Variants in SMC1A observed in about 807,000 individuals in gnomAD.
The protein encoded by SMC1A is structural maintenance of chromosomes protein 1A.
In SMC1A, 4 loss-of-function variants were observed where a neutral mutation model predicts 94.5. That is an observed-to-expected ratio of 0.04 (90% confidence interval 0.02 to 0.10). The LOEUF (loss-of-function observed/expected upper bound fraction) is 0.10. Ranked by LOEUF, SMC1A falls within the 10% of genes least tolerant of loss-of-function variation. The pLI is 1.00. For synonymous variants in SMC1A, 345 were observed against 347.7 expected, an observed-to-expected ratio of 0.99 and a Z score of 0.09; for missense variants, 304 against 989.0, an observed-to-expected ratio of 0.31 and a Z score of 9.29.
chrX:53,417,518 T>C (rs1602415653), intron 1 of SMC1A, among the ~76,000 whole-genome samples: 1 of 89,747 alleles, frequency 1.1e-5, no homozygotes, highest in Non-Finnish European at 2.1e-5. Context: ...GCCATTGCAC[T>C]CCAGCCTGGG....
At chrX:53,419,040 C>CAAAAA in intron 1 of SMC1A, among the ~76,000 whole-genome samples, 1 of 36,752 alleles carries the variant, frequency 2.7e-5, no homozygotes, top group Non-Finnish European at 4.4e-5. Context: ...GACTCTGTCT[C>CAAAAA]AAAAAAAAAA....
intron 1 of SMC1A, among the ~76,000 whole-genome samples, chrX:53,420,893 G>C (rs1214484456): frequency 8.9e-6 from 1 of 111,993 alleles, no homozygotes; most frequent in Non-Finnish European, 1.9e-5. Flanking sequence ...ACAAAAACAT[G>C]CACCATCAAT....
In SMC1A at chrX:53,413,374, A is replaced by C; in HGVS notation, c.473T>G (p.Ile158Ser). ...PKERTALFEE[I>S]SRSGELAQEY... Reference sequence around the variant, plus strand: ...CTGCGCCAGCTCCCCAGAACGACTAATCTCTTCAAATAGAGCTGTCCTCTC... The same window carrying C: ...CTGCGCCAGCTCCCCAGAACGACTACTCTCTTCAAATAGAGCTGTCCTCTC... Residue 158 changes from isoleucine to serine, a missense_variant, in exon 4 of 25, where the codon ATT becomes AGT. By Grantham distance (142) the Ile-to-Ser change is moderately radical. Transcript: ENST00000322213. 1 of 1,211,094 alleles carries C rather than the reference A, an allele frequency of 8.3e-7. No homozygotes were observed. Among genetic ancestry groups the C allele is most frequent in the Non-Finnish European group, 1.1e-6 (1 of 895,217 alleles).
chrX:53,384,286 C>G (rs1282376403), intron 19 of SMC1A, among the ~76,000 whole-genome samples: 2 of 99,915 alleles, frequency 2.0e-5, no homozygotes, highest in Non-Finnish European at 4.0e-5. Flanking sequence ...TTTTTGGAGA[C>G]AGAGTCTCGC....
rs914977400 is a variant in SMC1A, at chrX:53,413,337, C to T, written c.510G>A (p.Lys170=). The T allele has an allele frequency of 8.3e-7, 1 of 1,209,724 alleles. No homozygotes were observed. The highest frequency in any genetic ancestry group is 1.1e-6 in the Non-Finnish European group (1 of 895,044). Residue 170 remains lysine, a synonymous_variant, in exon 4 of 25, where the codon AAG becomes AAA. Coordinates refer to ENST00000322213, the MANE Select transcript of SMC1A (RefSeq NM_006306.4). The part of the protein sequence containing the change: ...RSGELAQEYD[K]RKKEMVKAEE... ...CAGCCTTCACCATTTCCTTCTTTCGCTTGTCATACTCCTGCGCCAGCTCCC... is the reference window on the plus strand; with the variant it reads ...CAGCCTTCACCATTTCCTTCTTTCGTTTGTCATACTCCTGCGCCAGCTCCC...
rs782383321 is a variant in SMC1A at position 53,380,807 on chromosome X, G to A, written c.3508-77C>T. The A allele has an allele frequency of 8.7e-5, 66 of 756,264 alleles. 1 individual carries two copies. Among genetic ancestry groups the A allele is most frequent in the Non-Finnish European group, 1.2e-4 (59 of 486,205 alleles). 62.3% of individuals were successfully genotyped at this position (756,264 alleles called of 1,213,427 possible). A position where few individuals can be genotyped will look rare whatever the true frequency, so the allele number is the denominator to read the frequency against. ...CAGTATTTTCCAGCCACAACCAGAA[G>A]GCAGAAGAGGTAGGGTAGGGAGAGG... is the stretch of plus-strand genomic sequence containing the variant. On this transcript the variant is annotated intron_variant, in intron 23 of 24. Transcript: ENST00000322213.
chrX:53,404,268 A>T (rs1195328260), intron 13 of SMC1A, among the ~76,000 whole-genome samples: 1 of 110,708 alleles, frequency 9.0e-6, no homozygotes, highest in Non-Finnish European at 1.9e-5. Flanking sequence ...CGGTCTGGGG[A>T]AGTAGTCAGT....
intron 16 of SMC1A, among the ~76,000 whole-genome samples, chrX:53,399,140 AGGCAGGAGAAT>A (rs1419397074): frequency 7.2e-5 from 8 of 111,143 alleles, no homozygotes; most frequent in Non-Finnish European, 1.5e-4. Context: ...TGGGAGGCTG[AGGCAGGAGAAT>A]GGCATGAACC....
intron 7 of SMC1A, among the ~76,000 whole-genome samples, chrX:53,410,528 G>A (rs1261689312): frequency 3.7e-5 from 4 of 109,121 alleles, no homozygotes; most frequent in African/African-American, 1.3e-4. Context: ...GGCTGGGTGC[G>A]TTGGCTCACA....
intron 16 of SMC1A, among the ~76,000 whole-genome samples, chrX:53,398,086 A>G (rs782523668): frequency 2.8e-5 from 3 of 108,184 alleles, no homozygotes; most frequent in South Asian, 4.1e-4. Context: ...CTCAGGAGGC[A>G]GAGGCAGGAG....
In SMC1A at chrX:53,394,891, G is replaced by GACTAATATCATCCATGGTGCCTTTTGA; in HGVS notation, c.2863-4_2863-3insTCAAAAGGCACCATGGATGATATTAGT. 8.9e-7 allele frequency: 1 copy of GACTAATATCATCCATGGTGCCTTTTGA among 1,118,140 alleles called. No homozygotes were observed. The highest frequency in any genetic ancestry group is 1.2e-6 in the Non-Finnish European group (1 of 810,150). 92.1% of individuals were successfully genotyped at this position (1,118,140 alleles called of 1,213,427 possible). A position where few individuals can be genotyped will look rare whatever the true frequency, so the allele number is the denominator to read the frequency against. ...GAGTCCTCCCCCTGGGAGCTACCCT[G>GACTAATATCATCCATGGTGCCTTTTGA]CAATGGCAACGGAGAGTCAAGTGGA... is the stretch of plus-strand genomic sequence containing the variant. On this transcript the variant is annotated splice_region_variant and splice_polypyrimidine_tract_variant and intron_variant, in intron 18 of 24. Transcript: ENST00000322213.
chrX:53,389,293 G>A (rs1556886859), intron 19 of SMC1A, among the ~76,000 whole-genome samples: 1 of 110,658 alleles, frequency 9.0e-6, no homozygotes, highest in Non-Finnish European at 1.9e-5. Flanking sequence ...TAAGTTAAAT[G>A]AGATTCAAGT....
At chrX:53,397,447 G>A in intron 16 of SMC1A, among the ~76,000 whole-genome samples, 1 of 111,473 alleles carries the variant, frequency 9.0e-6, no homozygotes, top group East Asian at 2.8e-4. Flanking sequence ...TGGGTGTGGT[G>A]GCACACGCCT....
rs1556890784 is a variant in SMC1A at position 53,413,118 on chromosome X, C to T, written c.636G>A (p.Leu212=). ...CCTGAGCCCGTACTACCTCATCCTTCAGGCGCTGGTACCGGTCAGCCTGTG... is the reference window on the plus strand; with the variant it reads ...CCTGAGCCCGTACTACCTCATCCTTTAGGCGCTGGTACCGGTCAGCCTGTG... The part of the protein sequence containing the change: ...EKEEADRYQR[L]KDEVVRAQVQ... The change falls in exon 5 of 25, where the codon CTG becomes CTA. Residue 212 remains leucine, a synonymous_variant. Transcript: ENST00000322213. The T allele has an allele frequency of 8.3e-7, 1 of 1,209,915 alleles. No homozygotes were observed. Among genetic ancestry groups the T allele is most frequent in the East Asian group, 3.0e-5 (1 of 33,765 alleles).
intron 13 of SMC1A, among the ~76,000 whole-genome samples, chrX:53,404,278 TA>T (rs1206405189): frequency 9.2e-6 from 1 of 109,188 alleles, no homozygotes; most frequent in African/African-American, 3.3e-5. Context: ...AAGTAGTCAG[TA>T]AAAAAAACAA....
At chrX:53,404,667 G>A (rs1421634846) in intron 13 of SMC1A, among the ~76,000 whole-genome samples, 1 of 110,845 alleles carries the variant, frequency 9.0e-6, no homozygotes, top group African/African-American at 3.3e-5. Context: ...CTAATTTTTT[G>A]TATTTGTAGT....
rs1441100226 is a variant in SMC1A at position 53,376,708 on chromosome X, C to T, written c.*3395G>A. The T allele has an allele frequency of 1.8e-5, 2 of 111,671 alleles. No homozygotes were observed. The highest frequency in any genetic ancestry group is 3.8e-5 in the Non-Finnish European group (2 of 53,149). The allele number at this position is 111,671 out of a possible 1,213,427, so 9.2% of individuals were successfully genotyped here. A position where few individuals can be genotyped will look rare whatever the true frequency, so the allele number is the denominator to read the frequency against. ...TCAAGACTCAGTTCAGGTATCACCACCTAGACTACAGGATGCCTTCTCTGA... is the reference window on the plus strand; with the variant it reads ...TCAAGACTCAGTTCAGGTATCACCATCTAGACTACAGGATGCCTTCTCTGA... On this transcript the variant is annotated 3_prime_UTR_variant, in exon 25 of 25. Coordinates refer to ENST00000322213, the MANE Select transcript of SMC1A (RefSeq NM_006306.4).
Position 53,399,691 on chromosome X carries a change from C to T in SMC1A, c.2460G>A (p.Gln820=), listed in dbSNP as rs782560538. The part of the protein sequence containing the change: ...FENQKTRLGI[Q]LDFEKNQLKE... Reference sequence around the variant, plus strand: ...TCAGTTGGTTCTTTTCAAAATCCAACTGAATGCCCAAGCGAGTCTTCTGAT... The same window carrying T: ...TCAGTTGGTTCTTTTCAAAATCCAATTGAATGCCCAAGCGAGTCTTCTGAT... Residue 820 remains glutamine (Q), a synonymous_variant, in exon 16 of 25, where the codon CAG becomes CAA. Coordinates refer to ENST00000322213, the MANE Select transcript of SMC1A (RefSeq NM_006306.4). The T allele has an allele frequency of 3.3e-6, 4 of 1,209,706 alleles. No individual in the cohort carries two copies. The highest frequency in any genetic ancestry group is 1.7e-5 in the African/African-American group (1 of 57,710).
At chrX:53,402,277 T>C (rs2075673108) in intron 15 of SMC1A, among the ~76,000 whole-genome samples, 1 of 110,995 alleles carries the variant, frequency 9.0e-6, no homozygotes, top group African/African-American at 3.3e-5. Context: ...GTTGTGTTCA[T>C]CTGTCTTACC....
Sources: gnomAD v4.1 joint callset for allele counts (sites outside exome capture counted in the v4.1 genomes callset) on GRCh38, gnomAD v4.1.1 for gene constraint, MANE v1.5 for transcripts, NCBI Gene and HGNC (gene_info 2026-07-23, HGNC 2026-07-21) for gene names.